ADARB2: variants seen among roughly 807,000 people sequenced by gnomAD.
ADARB2 encodes the protein inactive double-stranded RNA-specific editase B2.
Under a neutral mutation model 62.2 loss-of-function variants are expected in ADARB2, and 25 were observed. The observed-to-expected ratio is 0.40, with a 90% CI of 0.29 to 0.56. The LOEUF is 0.56. Among genes scored for constraint, ADARB2 ranks in the 20% least tolerant of loss-of-function variants. ADARB2 has a pLI of 0.43. For missense variants in ADARB2, 1,071 were observed against 1,077.4 expected (o/e 0.99, Z 0.08); for synonymous variants, 572 against 500.8 (o/e 1.14, Z -1.90).
At chr10:1,441,367 G>C (rs1369377616) in intron 1 of ADARB2, among the ~76,000 whole-genome samples, 1 of 152,196 alleles carries the variant, frequency 6.6e-6, no homozygotes, top group Non-Finnish European at 1.5e-5. Context: ...TCTAACATCT[G>C]AAAGAAAGAA....
At chr10:1,504,324 T>C (rs1831807076) in intron 1 of ADARB2, among the ~76,000 whole-genome samples, 1 of 152,220 alleles carries the variant, frequency 6.6e-6, no homozygotes, top group Non-Finnish European at 1.5e-5. Flanking sequence ...TACTGTTTTC[T>C]CCCATGAAGC....
intron 1 of ADARB2, among the ~76,000 whole-genome samples, chr10:1,559,087 G>A (rs555770801): frequency 5.2e-4 from 79 of 152,296 alleles, no homozygotes; most frequent in Non-Finnish European, 9.8e-4. Flanking sequence ...ATCCACATGA[G>A]GCTTTAAGAC....
intron 1 of ADARB2, among the ~76,000 whole-genome samples, chr10:1,421,486 A>G (rs1323662866): frequency 6.6e-6 from 1 of 152,150 alleles, no homozygotes; most frequent in African/African-American, 2.4e-5. Flanking sequence ...ATTCTTCTCT[A>G]GATTCTCTTT....
In ADARB2 at chr10:1,296,253, A is replaced by C. The variant is rs181958124; in HGVS notation, c.1078-25184T>G. On this transcript the variant is annotated intron_variant, in intron 3 of 9. Coordinates refer to ENST00000381312, the MANE Select transcript of ADARB2 (RefSeq NM_018702.4). ...TATGTTCCCTCCACAGAGGAGGGAG[A>C]GAAGGCGAATATTTACTGACCTGTA... Among the ~76,000 whole-genome samples the C allele has an allele frequency of 5.3e-5, 8 of 152,316 alleles. No individual in the cohort carries two copies. In the East Asian group the frequency reaches 1.2e-3, roughly 22 times the overall value.
intron 3 of ADARB2, among the ~76,000 whole-genome samples, chr10:1,294,705 A>G (rs903754098): frequency 1.3e-5 from 2 of 151,954 alleles, no homozygotes; most frequent in African/African-American, 4.8e-5. Context: ...GCTCATTATT[A>G]CACCTGTGAT....
intron 1 of ADARB2, among the ~76,000 whole-genome samples, chr10:1,677,194 C>G (rs145965904): frequency 3.3e-5 from 5 of 152,304 alleles, no homozygotes; most frequent in Non-Finnish European, 7.4e-5. Context: ...TGTTTCCTTC[C>G]GAAGGCTCAA....
chr10:1,262,287 T>TATAATAATAATAATAATAATA (rs55721350), intron 4 of ADARB2, among the ~76,000 whole-genome samples: 9 of 135,778 alleles, frequency 6.6e-5, no homozygotes, highest in South Asian at 2.4e-4. Context: ...AAACTTAAAG[T>TATAATAATAATAATAATAATA]ATAATAATAA....
At chr10:1,367,039 C>A (rs1263525561) in intron 2 of ADARB2, among the ~76,000 whole-genome samples, 4 of 152,218 alleles carry the variant, frequency 2.6e-5, no homozygotes, top group Non-Finnish European at 5.9e-5. Context: ...GCTGGCCCAG[C>A]CCCACGCTCC....
At chr10:1,505,494 C>G (rs1441696506) in intron 1 of ADARB2, among the ~76,000 whole-genome samples, 1 of 151,816 alleles carries the variant, frequency 6.6e-6, no homozygotes, top group East Asian at 1.9e-4. Flanking sequence ...AAGGTGTCGT[C>G]TGACTCACAT....
chr10:1,412,279 T>C (rs1279659640), intron 1 of ADARB2, among the ~76,000 whole-genome samples: 5 of 152,136 alleles, frequency 3.3e-5, no homozygotes, highest in African/African-American at 1.2e-4. Context: ...TAAAAGGAAG[T>C]CGCAAACCCT....
At chr10:1,379,024 A>G (rs1832458732) in intron 2 of ADARB2, 50 bp downstream of exon 2, 1 of 1,535,936 alleles carries the variant, frequency 6.5e-7, no homozygotes, top group African/African-American at 1.4e-5. Flanking sequence ...GGACCCCTGC[A>G]CAAAGGATAC....
intron 1 of ADARB2, among the ~76,000 whole-genome samples, chr10:1,509,093 C>T (rs541396481): frequency 3.0e-4 from 45 of 152,294 alleles, no homozygotes; most frequent in African/African-American, 1.0e-3. Flanking sequence ...CCTCGATAAT[C>T]GTGCCTCGTT....
chr10:1,531,401 G>A (rs375139149), intron 1 of ADARB2, among the ~76,000 whole-genome samples: 1 of 152,184 alleles, frequency 6.6e-6, no homozygotes, highest in Non-Finnish European at 1.5e-5. Context: ...TCTGGCTGTT[G>A]ACAGTTCCTT....
intron 1 of ADARB2, among the ~76,000 whole-genome samples, chr10:1,722,217 T>G (rs936612620): frequency 2.0e-5 from 3 of 152,240 alleles, no homozygotes; most frequent in Non-Finnish European, 4.4e-5. Context: ...ACCTTTAAAT[T>G]GACATTTGGG....
At chr10:1,394,909 CCTT>C (rs1394452136) in intron 1 of ADARB2, 3 of 456,666 alleles carry the variant, frequency 6.6e-6, no homozygotes, top group Non-Finnish European at 8.8e-6. Context: ...CCCTCCTCCT[CCTT>C]CTTCTTCCTC....
chr10:1,494,548 G>T (rs1228541569), intron 1 of ADARB2, among the ~76,000 whole-genome samples: 1 of 152,108 alleles, frequency 6.6e-6, no homozygotes, highest in Admixed American at 6.6e-5. Context: ...CCACACAATA[G>T]ATTAAAAGCC....
intron 1 of ADARB2, among the ~76,000 whole-genome samples, chr10:1,568,505 T>G (rs1004423173): frequency 8.0e-5 from 12 of 150,104 alleles, no homozygotes; most frequent in African/African-American, 3.0e-4. Flanking sequence ...TTTGCCAAGT[T>G]AATAGTTTAA....
chr10:1,587,260 G>T (rs17156551), intron 1 of ADARB2, among the ~76,000 whole-genome samples: 1 of 152,146 alleles, frequency 6.6e-6, no homozygotes, highest in Non-Finnish European at 1.5e-5. Context: ...TGACATGAAG[G>T]CTCCAGAGAT....
intron 1 of ADARB2, among the ~76,000 whole-genome samples, chr10:1,395,819 C>T (rs1414766750): frequency 6.6e-6 from 1 of 152,230 alleles, no homozygotes; most frequent in Non-Finnish European, 1.5e-5. Context: ...CTCATAGCGG[C>T]TGCCTTCAGC....
Sources: gnomAD v4.1 joint callset for allele counts (sites outside exome capture counted in the v4.1 genomes callset) on GRCh38, gnomAD v4.1.1 for gene constraint, MANE v1.5 for transcripts, NCBI Gene and HGNC (gene_info 2026-07-23, HGNC 2026-07-21) for gene names.